BST1: variants seen among roughly 807,000 people sequenced by gnomAD.
The protein encoded by BST1 is ADP-ribosyl cyclase/cyclic ADP-ribose hydrolase 2.
Under a neutral mutation model 40.6 loss-of-function variants are expected in BST1, and 49 were observed. The observed-to-expected ratio is 1.21, with a 90% CI of 0.96 to 1.53. The LOEUF is 1.53. BST1 is among the 40% of genes most tolerant of loss of function. The pLI is 0.00. For synonymous variants in BST1, 157 were observed against 159.3 expected (o/e 0.99, Z 0.11); for missense variants, 423 against 395.9 (o/e 1.07, Z -0.58).
downstream of BST1, chr4:15,735,984 T>A: frequency 1.1e-6 from 1 of 948,624 alleles, no homozygotes; most frequent in Non-Finnish European, 1.4e-6. Context: ...GCAAATCTCA[T>A]CTGTCATACT....
intron 3 of BST1, among the ~76,000 whole-genome samples, chr4:15,710,788 TTTTC>T (rs1720156515): frequency 6.6e-6 from 1 of 152,126 alleles, no homozygotes; most frequent in East Asian, 1.9e-4. Flanking sequence ...ACATGCCATA[TTTTC>T]TTTCTTTTTT....
the BST1 span, among the ~76,000 whole-genome samples, chr4:15,761,928 G>T: frequency 2.0e-5 from 3 of 151,704 alleles, no homozygotes; most frequent in African/African-American, 7.3e-5. Context: ...GGCCGGGCGC[G>T]GTGGCTCATG....
At chr4:15,728,881 G>A (rs1226721625) in intron 8 of BST1, among the ~76,000 whole-genome samples, 1 of 151,874 alleles carries the variant, frequency 6.6e-6, no homozygotes, top group East Asian at 1.9e-4. Flanking sequence ...CCTGACTTCA[G>A]GTGATCCTTC....
chr4:15,759,083 C>A, the BST1 span, among the ~76,000 whole-genome samples: 678 of 152,080 alleles, frequency 4.5e-3, 17 homozygotes, highest in African/African-American at 0.016. Context: ...TGACCTCTGT[C>A]TGCCATAGTC....
chr4:15,725,947 C>CTTTTTTTTT (rs1206237130), intron 8 of BST1, among the ~76,000 whole-genome samples: 12 of 60,114 alleles, frequency 2.0e-4, no homozygotes, highest in Non-Finnish European at 2.8e-4. Context: ...GAAGTGCGGT[C>CTTTTTTTTT]TTTTTTTTTT....
the BST1 span, among the ~76,000 whole-genome samples, chr4:15,763,644 A>G: frequency 3.3e-5 from 5 of 152,034 alleles, no homozygotes; most frequent in East Asian, 7.7e-4. Context: ...AGAAAAATTT[A>G]CTGTCAGGAA....
the BST1 span, among the ~76,000 whole-genome samples, chr4:15,751,270 T>G: frequency 6.6e-6 from 1 of 152,114 alleles, no homozygotes; most frequent in Non-Finnish European, 1.5e-5. Flanking sequence ...GTTAGGCCTG[T>G]GAGTGAAATA....
At chr4:15,726,622 A>T (rs1476042045) in intron 8 of BST1, among the ~76,000 whole-genome samples, 1 of 152,220 alleles carries the variant, frequency 6.6e-6, no homozygotes, top group African/African-American at 2.4e-5. Context: ...AGTCTTGGAT[A>T]GGGAAGTGTC....
At position 15,703,236 on chromosome 4, in the gene BST1, G is replaced by C. The variant is rs775887512; in HGVS notation, c.92G>C (p.Arg31Pro). The C allele has an allele frequency of 1.2e-5, 19 of 1,543,162 alleles. No individual in the cohort carries two copies. In the African/African-American group the frequency reaches 2.6e-4, roughly 21 times the overall value. ...TTGCTGCTGGCGGCGGGCGGGGCGC[G>C]CGCGCGGTGGCGCGGGGAGGGCACC... ...LLLLLAAGGARARWRGEGTSA... is the reference protein window; with the variant it reads ...LLLLLAAGGAPARWRGEGTSA... The change falls in exon 1 of 9, where the codon CGC becomes CCC. Residue 31 changes from arginine to proline, a missense_variant. Transcript: ENST00000265016.
chr4:15,719,672 A>G (rs976037936), intron 7 of BST1, among the ~76,000 whole-genome samples: 1 of 152,138 alleles, frequency 6.6e-6, no homozygotes, highest in Non-Finnish European at 1.5e-5. Flanking sequence ...GTTTTCTTGA[A>G]CATTTCTGAG....
rs753086388 is a variant in BST1 at position 15,718,893 on chromosome 4, T to A, written c.705-14T>A. 2.5e-6 allele frequency: 4 copies of A among 1,609,346 alleles called. No homozygotes were observed. The highest frequency in any genetic ancestry group is 3.4e-6 in the Non-Finnish European group (4 of 1,177,432). On this transcript the variant is annotated splice_polypyrimidine_tract_variant and intron_variant, in intron 6 of 8. Transcript: ENST00000265016. Reference sequence around the variant, plus strand: ...TATTTGCTTACTTTTTAATTATATATTTTCATGTTTTAGGGAATCCTGCGG... The same window carrying A: ...TATTTGCTTACTTTTTAATTATATAATTTCATGTTTTAGGGAATCCTGCGG...
At chr4:15,721,838 C>T (rs1309940899) in intron 7 of BST1, among the ~76,000 whole-genome samples, 3 of 152,060 alleles carry the variant, frequency 2.0e-5, no homozygotes, top group Non-Finnish European at 4.4e-5. Context: ...ATCAAGTAGA[C>T]ACTACTGAAA....
the BST1 span, among the ~76,000 whole-genome samples, chr4:15,746,057 A>T: frequency 1.3e-5 from 2 of 152,204 alleles, no homozygotes; most frequent in African/African-American, 4.8e-5. Flanking sequence ...AATGAACTGC[A>T]TTTTATTCTT....
downstream of BST1, among the ~76,000 whole-genome samples, chr4:15,740,632 C>G (rs555350577): frequency 1.3e-5 from 2 of 152,140 alleles, no homozygotes; most frequent in African/African-American, 4.8e-5. Flanking sequence ...AGCATTTGCA[C>G]CTTATTTAAC....
chr4:15,722,820 G>T (rs7688526), intron 7 of BST1, 55 bp from the exon 8 acceptor site: 67,525 of 1,508,478 alleles, frequency 0.045, 3,409 homozygotes, highest in East Asian at 0.26. Context: ...GCCATAAATG[G>T]TTGATGGATG....
downstream of BST1, among the ~76,000 whole-genome samples, chr4:15,735,688 C>T (rs1721534661): frequency 6.6e-6 from 1 of 152,278 alleles, no homozygotes; most frequent in Middle Eastern, 3.4e-3. Flanking sequence ...CCGTCTGGCT[C>T]CTTAGGCCAA....
the BST1 span, among the ~76,000 whole-genome samples, chr4:15,750,056 T>TTTTTA: frequency 1.3e-5 from 2 of 151,934 alleles, no homozygotes; most frequent in Non-Finnish European, 2.9e-5. Flanking sequence ...GATGGTTTGA[T>TTTTTA]TTTTATTTTA....
chr4:15,715,821 G>T, intron 6 of BST1, 22 bp downstream of exon 6: 2 of 1,476,686 alleles, frequency 1.4e-6, no homozygotes, highest in Non-Finnish European at 1.8e-6. Context: ...TGATATTGAT[G>T]ATGATAATTG....
the BST1 span, among the ~76,000 whole-genome samples, chr4:15,757,821 T>C: frequency 6.6e-6 from 1 of 152,210 alleles, no homozygotes; most frequent in South Asian, 2.1e-4. Flanking sequence ...TTTGTATTTT[T>C]AGTAGAGACA....
Sources: allele counts gnomAD v4.1 joint callset (sites outside exome capture counted in the v4.1 genomes callset), GRCh38; gene constraint gnomAD v4.1.1; transcripts MANE v1.5; gene names NCBI Gene and HGNC (gene_info 2026-07-23, HGNC 2026-07-21).